Variants in GABRB3 observed in about 807,000 individuals in gnomAD.
GABRB3 encodes gamma-aminobutyric acid receptor subunit beta-3.
GABRB3 carries 14 observed loss-of-function variants against 52.1 expected under a neutral mutation model. The ratio of observed to expected loss-of-function variants is 0.27; its 90% CI spans 0.18 to 0.42. The LOEUF is 0.42. GABRB3 is among the 10% of genes least tolerant of loss of function. GABRB3 has a pLI of 1.00. For synonymous variants in GABRB3, 260 were observed against 232.3 expected, an observed-to-expected ratio of 1.12 and a Z score of -1.08; for missense variants, 307 against 609.1, an observed-to-expected ratio of 0.50 and a Z score of 5.22.
intron 3 of GABRB3, among the ~76,000 whole-genome samples, chr15:26,735,863 G>A (rs886838662): frequency 1.3e-5 from 2 of 151,770 alleles, no homozygotes; most frequent in Non-Finnish European, 2.9e-5. Context: ...GCTGAAGCAG[G>A]AGGATCACTT....
intron 6 of GABRB3, among the ~76,000 whole-genome samples, chr15:26,578,231 T>C (rs115796692): frequency 0.012 from 1,783 of 152,370 alleles, 29 homozygotes; most frequent in African/African-American, 0.041. Flanking sequence ...TTTAGAACAC[T>C]GCAACTTATG....
At chr15:26,671,672 A>G (rs1887902036) in intron 3 of GABRB3, among the ~76,000 whole-genome samples, 1 of 152,230 alleles carries the variant, frequency 6.6e-6, no homozygotes, top group East Asian at 1.9e-4. Context: ...TTCCTGCTAG[A>G]ATCTCAGACT....
At chr15:26,749,098 A>C (rs926557578) in intron 3 of GABRB3, among the ~76,000 whole-genome samples, 5 of 152,028 alleles carry the variant, frequency 3.3e-5, no homozygotes, top group African/African-American at 1.2e-4. Context: ...ATCTACCTTT[A>C]CTAGTTTTTG....
intron 3 of GABRB3, among the ~76,000 whole-genome samples, chr15:26,716,086 G>T (rs1889456235): frequency 6.6e-6 from 1 of 152,170 alleles, no homozygotes; most frequent in African/African-American, 2.4e-5. Flanking sequence ...AGCTATACAT[G>T]AGCTGATCAA....
chr15:26,746,412 CTT>C (rs992673195), intron 3 of GABRB3, among the ~76,000 whole-genome samples: 5 of 152,084 alleles, frequency 3.3e-5, no homozygotes, highest in African/African-American at 9.7e-5. Context: ...TCTTTAGAGT[CTT>C]TTGCAGAACA....
chr15:26,711,070 T>A (rs962901314), intron 3 of GABRB3, among the ~76,000 whole-genome samples: 1 of 152,194 alleles, frequency 6.6e-6, no homozygotes, highest in African/African-American at 2.4e-5. Context: ...TTCAACACCA[T>A]CTATTCCAAA....
Position 26,547,806 on chromosome 15 carries a change from T to C in GABRB3, c.1409A>G (p.Tyr470Cys). ...FSLFNLVYWLYYVN is the reference protein window; with the variant it reads ...FSLFNLVYWLCYVN ...AAGTACAGTCACTCAGTTAACATAG[T>C]ACAGCCAGTAAACTAAGTTGAAAAG... The change falls in exon 9 of 9, where the codon TAC (tyrosine) becomes TGC (cysteine). Residue 470 changes from tyrosine (Y) to cysteine (C), a missense_variant. Around this residue, in one of 6 missense-constraint regions of GABRB3, gnomAD observed 115 missense variants for 166.9 expected, o/e 0.69. Coordinates refer to ENST00000311550, the MANE Select transcript of GABRB3 (RefSeq NM_000814.6). The C allele has an allele frequency of 6.2e-7, 1 of 1,613,656 alleles. No individual in the cohort carries two copies. The highest frequency in any genetic ancestry group is 8.5e-7 in the Non-Finnish European group (1 of 1,179,714).
intron 3 of GABRB3, among the ~76,000 whole-genome samples, chr15:26,681,212 C>A (rs994326489): frequency 2.6e-5 from 4 of 152,162 alleles, no homozygotes; most frequent in Non-Finnish European, 4.4e-5. Flanking sequence ...TTCCTCATTT[C>A]ATTCAGAACT....
chr15:26,554,180 A>T (rs1264135752), intron 8 of GABRB3, among the ~76,000 whole-genome samples: 4 of 26,736 alleles, frequency 1.5e-4, no homozygotes, highest in Non-Finnish European at 2.1e-4. Context: ...TATAAAGTAT[A>T]TATATATATA....
intron 4 of GABRB3, among the ~76,000 whole-genome samples, chr15:26,597,417 G>A (rs1196607171): frequency 3.9e-5 from 6 of 152,160 alleles, no homozygotes. Flanking sequence ...AGGAGTAATG[G>A]TGCCTACTTT....
At chr15:26,748,206 G>T (rs896954646) in intron 3 of GABRB3, among the ~76,000 whole-genome samples, 5 of 151,824 alleles carry the variant, frequency 3.3e-5, no homozygotes, top group Non-Finnish European at 7.4e-5. Context: ...TTTCTTCCTG[G>T]TATCAGTGTA....
intron 3 of GABRB3, among the ~76,000 whole-genome samples, chr15:26,740,461 G>A (rs920662766): frequency 1.3e-5 from 2 of 151,970 alleles, no homozygotes; most frequent in Admixed American, 1.3e-4. Flanking sequence ...CTGGGGACTG[G>A]GCTGTGTTCC....
chr15:26,654,540 A>G (rs1887305161), intron 3 of GABRB3, among the ~76,000 whole-genome samples: 1 of 152,122 alleles, frequency 6.6e-6, no homozygotes, highest in Non-Finnish European at 1.5e-5. Context: ...GGACTGCTTG[A>G]GGCCAGGAGT....
chr15:26,720,345 C>T (rs914107942), intron 3 of GABRB3, among the ~76,000 whole-genome samples: 1 of 152,170 alleles, frequency 6.6e-6, no homozygotes, highest in Non-Finnish European at 1.5e-5. Flanking sequence ...TGAAACTTAC[C>T]TGTCACCTCT....
At chr15:26,711,496 T>G (rs1889294816) in intron 3 of GABRB3, among the ~76,000 whole-genome samples, 1 of 152,224 alleles carries the variant, frequency 6.6e-6, no homozygotes, top group Non-Finnish European at 1.5e-5. Flanking sequence ...TGCTTCATAT[T>G]CATTTTATGA....
chr15:26,673,901 T>A (rs1887975118), intron 3 of GABRB3, among the ~76,000 whole-genome samples: 1 of 152,248 alleles, frequency 6.6e-6, no homozygotes, highest in Admixed American at 6.5e-5. Context: ...TCTATTTATA[T>A]CTTTTACCTT....
chr15:26,720,550 T>C (rs988677322), intron 3 of GABRB3, among the ~76,000 whole-genome samples: 2 of 152,184 alleles, frequency 1.3e-5, no homozygotes, highest in Non-Finnish European at 2.9e-5. Flanking sequence ...TTTTTAAAAA[T>C]TGGCAACTGT....
chr15:26,633,434 C>T (rs926504039), intron 3 of GABRB3, among the ~76,000 whole-genome samples: 1 of 152,084 alleles, frequency 6.6e-6, no homozygotes, highest in Non-Finnish European at 1.5e-5. Context: ...AAGTGTAATG[C>T]CCAACCTGTT....
chr15:26,579,549 C>T (rs542837166), intron 6 of GABRB3, among the ~76,000 whole-genome samples: 2 of 152,224 alleles, frequency 1.3e-5, no homozygotes, highest in Non-Finnish European at 2.9e-5. Context: ...GTTCAAGCTA[C>T]ATGAACAGCT....
Sources: allele counts gnomAD v4.1 joint callset (sites outside exome capture counted in the v4.1 genomes callset), GRCh38; gene constraint gnomAD v4.1.1; regional missense constraint gnomAD v4.1.1; transcripts MANE v1.5; gene names NCBI Gene and HGNC (gene_info 2026-07-23, HGNC 2026-07-21).